C4orf54: variants seen among roughly 807,000 people sequenced by gnomAD.
C4orf54 encodes uncharacterized protein C4orf54.
In C4orf54, 67 loss-of-function variants were observed where a neutral mutation model predicts 80.1. That is an observed-to-expected ratio of 0.84 (90% CI 0.69 to 1.03). The LOEUF is 1.03. Among genes scored for constraint, C4orf54 ranks in the 50% least tolerant of loss-of-function variants. The probability of loss-of-function intolerance (pLI) is 0.00; values close to 1 mark genes in which losing one functional copy is unlikely to be tolerated. For missense variants in C4orf54, 2,434 were observed against 2,253.5 expected (o/e 1.08, Z -1.62); for synonymous variants, 1,000 against 917.0 (o/e 1.09, Z -1.64).
intron 2 of C4orf54, among the ~76,000 whole-genome samples, chr4:99,647,449 CTACCCA>C (rs1427880261): frequency 9.2e-5 from 14 of 151,824 alleles, no homozygotes; most frequent in Admixed American, 1.3e-4. Context: ...TCTGAGTCTC[CTACCCA>C]TGCATATTGA....
Position 99,649,613 on chromosome 4 carries a change from T to C in C4orf54, c.5036A>G (p.Tyr1679Cys). ...CAGCACGGTAGGCAGAAACCCAGGG[T>C]AAATCATGTAGGTGGGTCCATAAGC... is the stretch of plus-strand genomic sequence containing the variant. ...PGAYGPTYMI[Y>C]PGFLPTVLPT... Residue 1679 changes from tyrosine (Y) to cysteine (C), a missense_variant, in exon 2 of 3, where the codon TAC becomes TGC. Transcript: ENST00000511828. 6.5e-7 allele frequency: 1 copy of C among 1,535,818 alleles called. No individual in the cohort carries two copies. Among genetic ancestry groups the C allele is most frequent in the Non-Finnish European group, 8.7e-7 (1 of 1,146,832 alleles).
At position 99,651,993 on chromosome 4, in the gene C4orf54, C is replaced by G; in HGVS notation, c.2656G>C (p.Gly886Arg). ...YTVVSMSDAG[G>R]EGSVAGSKSP... Reference sequence around the variant, plus strand: ...TTGGAGCCCGCCACGGACCCCTCCCCGCCCGCGTCGGACATGCTGACCACT... The same window carrying G: ...TTGGAGCCCGCCACGGACCCCTCCCGGCCCGCGTCGGACATGCTGACCACT... The change falls in exon 2 of 3, where the codon GGG becomes CGG. Residue 886 changes from glycine to arginine, a missense_variant. Gly to Arg is a moderately radical substitution (Grantham distance 125). Transcript: ENST00000511828. The G allele has an allele frequency of 2.0e-6, 3 of 1,536,136 alleles. No homozygotes were observed. The highest frequency in any genetic ancestry group is 2.6e-6 in the Non-Finnish European group (3 of 1,146,914).
chr4:99,652,562 C>T lies in C4orf54; in HGVS notation c.2087G>A (p.Ser696Asn), dbSNP rs1726865317. Reference sequence around the variant, plus strand: ...CTGGTCGGCAGTGGCCCGGGCCCCACTGCCCTTCCTCAGACCTGCAGCCAC... The same window carrying T: ...CTGGTCGGCAGTGGCCCGGGCCCCATTGCCCTTCCTCAGACCTGCAGCCAC... Reference protein sequence around the residue: ...ASVAAGLRKGSGARATADQLY... With the variant: ...ASVAAGLRKGNGARATADQLY... Residue 696 changes from serine to asparagine, a missense_variant, in exon 2 of 3, where the codon AGT (serine) becomes AAT (asparagine). Transcript: ENST00000511828. The T allele has an allele frequency of 2.6e-6, 4 of 1,535,962 alleles. No individual in the cohort carries two copies. In the South Asian group the frequency reaches 3.6e-5, roughly 14 times the overall value.
chr4:99,656,429 C>T (rs1256175220), intron 1 of C4orf54, among the ~76,000 whole-genome samples: 1 of 151,858 alleles, frequency 6.6e-6, no homozygotes, highest in Non-Finnish European at 1.5e-5. Flanking sequence ...ACAGGAGCAC[C>T]CCACCACGCC....
chr4:99,644,431 A>G (rs1022918007), intron 2 of C4orf54, among the ~76,000 whole-genome samples: 12 of 152,220 alleles, frequency 7.9e-5, no homozygotes, highest in Admixed American at 1.3e-4. Flanking sequence ...GCAAAAACAA[A>G]CAAATACATT....
Position 99,640,920 on chromosome 4 carries a change from G to T in C4orf54, c.*313C>A, listed in dbSNP as rs1217719803. ...GTCTAGTCACAAGTACAGGGGGGAA[G>T]GAGGTGAATAGAAAGCTTATATCCT... On this transcript the variant is annotated 3_prime_UTR_variant, in exon 3 of 3. Transcript: ENST00000511828. 6.6e-6 allele frequency: 1 copy of T among 152,118 alleles called. No homozygotes were observed. Among genetic ancestry groups the T allele is most frequent in the Non-Finnish European group, 1.5e-5 (1 of 68,000 alleles). The allele number at this position is 152,118 out of a possible 1,614,324, so 9.4% of individuals were successfully genotyped here.
Position 99,651,495 on chromosome 4 carries a change from T to C in C4orf54, c.3154A>G (p.Lys1052Glu), listed in dbSNP as rs1301785598. 6.5e-7 allele frequency: 1 copy of C among 1,536,204 alleles called. No homozygotes were observed. Among genetic ancestry groups the C allele is most frequent in the African/African-American group, 1.4e-5 (1 of 73,140 alleles). ...DFNIAKLLTP[K>E]LAGGSASNLF... The stretch of plus-strand genomic sequence containing the variant: ...TTAGAGGCGCTGCCACCGGCCAGCT[T>C]GGGCGTGAGCAACTTGGCAATGTTG... Residue 1052 changes from lysine to glutamate, a missense_variant, in exon 2 of 3, where the codon AAG becomes GAG. By Grantham distance (56) the Lys-to-Glu change is moderately conservative. Transcript: ENST00000511828.
Position 99,652,813 on chromosome 4 carries a change from G to C in C4orf54, c.1836C>G (p.Ala612=), listed in dbSNP as rs531642001. Residue 612 remains alanine, a synonymous_variant, in exon 2 of 3, where the codon GCC becomes GCG. Coordinates refer to ENST00000511828, the MANE Select transcript of C4orf54 (RefSeq NM_001354435.2). ...TGTCCGCATCGTCCAGTTCGCTCAC[G>C]GCACTGGAGGCTCCGCTGGAGTAGT... ...LVDYSSGASS[A]VSELDDADKE... 2.6e-6 allele frequency: 4 copies of C among 1,535,990 alleles called. No homozygotes were observed. Among genetic ancestry groups the C allele is most frequent in the Middle Eastern group, 1.7e-4 (1 of 6,012 alleles).
At chr4:99,649,086 A>G in intron 2 of C4orf54, 145 bp downstream of exon 2, 2 of 828,758 alleles carry the variant, frequency 2.4e-6, no homozygotes, top group Non-Finnish European at 3.6e-6. Flanking sequence ...CCCCTTTGTA[A>G]ATTGGATGCA....
intron 1 of C4orf54, among the ~76,000 whole-genome samples, chr4:99,656,739 C>G (rs1397682660): frequency 6.6e-6 from 1 of 152,138 alleles, no homozygotes; most frequent in African/African-American, 2.4e-5. Context: ...TGTTCTAATT[C>G]CTTATAGATG....
chr4:99,652,246 A>G lies in C4orf54; in HGVS notation c.2403T>C (p.Asp801=). 1 of 1,535,298 alleles carries G rather than the reference A, an allele frequency of 6.5e-7. No individual in the cohort carries two copies. The highest frequency in any genetic ancestry group is 8.7e-7 in the Non-Finnish European group (1 of 1,146,722). ...AGGCGAACTTGGACTTCTGGGGGCCATCGGCGCGGGAGGTGGGCTTGCTGC... is the reference window on the plus strand; with the variant it reads ...AGGCGAACTTGGACTTCTGGGGGCCGTCGGCGCGGGAGGTGGGCTTGCTGC... The part of the protein sequence containing the change: ...SEGSKPTSRA[D]GPQKSKFASS... The change falls in exon 2 of 3, where the codon GAT becomes GAC. Residue 801 remains aspartate, a synonymous_variant. Coordinates refer to ENST00000511828, the MANE Select transcript of C4orf54 (RefSeq NM_001354435.2).
At position 99,653,924 on chromosome 4, in the gene C4orf54, C is replaced by T; in HGVS notation, c.725G>A (p.Ser242Asn). 2 of 1,536,236 alleles carry T rather than the reference C, an allele frequency of 1.3e-6. No individual in the cohort carries two copies. The highest frequency in any genetic ancestry group is 8.7e-7 in the Non-Finnish European group (1 of 1,146,886). Reference protein sequence around the residue: ...AQDEPSSKTPSPQNNPASSQL... With the variant: ...AQDEPSSKTPNPQNNPASSQL... ...GGAGGAGGCAGGATTGTTCTGGGGG[C>T]TTGGAGTCTTGCTGCTGGGTTCATC... Residue 242 changes from serine to asparagine, a missense_variant, in exon 2 of 3, where the codon AGC becomes AAC. Physicochemically the swap from Ser to Asn is conservative, Grantham distance 46. Transcript: ENST00000511828.
intron 2 of C4orf54, among the ~76,000 whole-genome samples, chr4:99,643,792 A>ACACACACACACACACCC (rs61130907): frequency 4.0e-5 from 4 of 98,908 alleles, no homozygotes; most frequent in South Asian, 7.0e-4. Flanking sequence ...ACACACACAC[A>ACACACACACACACACCC]CCCCCTCCGC....
chr4:99,639,656 T>A lies in C4orf54; in HGVS notation c.*1577A>T, dbSNP rs1726571901. ...AACCTTTCCCTATACCCAAGAGAAC[T>A]TTTTTTCAGAGTAAGATCCCTTAAA... On this transcript the variant is annotated 3_prime_UTR_variant, in exon 3 of 3. Coordinates refer to ENST00000511828, the MANE Select transcript of C4orf54 (RefSeq NM_001354435.2). 1 of 151,810 alleles carries A rather than the reference T, an allele frequency of 6.6e-6. No homozygotes were observed. The highest frequency in any genetic ancestry group is 1.5e-5 in the Non-Finnish European group (1 of 67,766). The allele number at this position is 151,810 out of a possible 1,614,324, so 9.4% of individuals were successfully genotyped here. A position where few individuals can be genotyped will look rare whatever the true frequency, so the allele number is the denominator to read the frequency against.
rs1427532026 is a variant in C4orf54, at chr4:99,652,154, C to T, written c.2495G>A (p.Gly832Glu). ...GTGGTGGGATGTATCCATGACTTCT[C>T]CCCTCTCCATTTTGAACTCGTGTTC... ...QREHEFKMER[G>E]EVMDTSHHLS... Residue 832 changes from glycine to glutamate, a missense_variant, in exon 2 of 3, where the codon GGA (glycine) becomes GAA (glutamate). Physicochemically the swap from Gly to Glu is moderately conservative, Grantham distance 98 (BLOSUM62 -2). Transcript: ENST00000511828. 1 of 1,536,074 alleles carries T rather than the reference C, an allele frequency of 6.5e-7. No homozygotes were observed. Among genetic ancestry groups the T allele is most frequent in the East Asian group, 2.4e-5 (1 of 40,878 alleles).
rs1473956949 is a variant in C4orf54, at chr4:99,639,505, G to A, written c.*1728C>T. On this transcript the variant is annotated 3_prime_UTR_variant, in exon 3 of 3. Coordinates refer to ENST00000511828, the MANE Select transcript of C4orf54 (RefSeq NM_001354435.2). ...TCTTTTTCTTGAATTTGGCACAAGG[G>A]CATCTTTTTTATACACAGAGACTAT... 1 of 151,970 alleles carries A rather than the reference G, an allele frequency of 6.6e-6. No individual in the cohort carries two copies. 9.4% of individuals were successfully genotyped at this position (151,970 alleles called of 1,614,324 possible). A position where few individuals can be genotyped will look rare whatever the true frequency, so the allele number is the denominator to read the frequency against.
At chr4:99,644,762 C>CA (rs1183002546) in intron 2 of C4orf54, among the ~76,000 whole-genome samples, 3 of 133,138 alleles carry the variant, frequency 2.3e-5, no homozygotes, top group Non-Finnish European at 4.8e-5. Context: ...AAAAAAACTA[C>CA]AAAAAAAGTG....
rs1578274770 is a variant in C4orf54 at position 99,651,886 on chromosome 4, C to T, written c.2763G>A (p.Val921=). 2 of 1,536,118 alleles carry T rather than the reference C, an allele frequency of 1.3e-6. No individual in the cohort carries two copies. Among genetic ancestry groups the T allele is most frequent in the East Asian group, 4.9e-5 (2 of 40,904 alleles). The change falls in exon 2 of 3, where the codon GTG becomes GTA. Residue 921 remains valine (V), a synonymous_variant. Coordinates refer to ENST00000511828, the MANE Select transcript of C4orf54 (RefSeq NM_001354435.2). ...CTGAGGCACTCTTTTTAATTTCACA[C>T]ACTTCTGTGTGTCCATCGGTGAAAT... ...GRNFTDGHTE[V]CEIKKSASET...
rs1271773244 is a variant in C4orf54 at position 99,652,259 on chromosome 4, G to A, written c.2390C>T (p.Thr797Ile). The A allele has an allele frequency of 6.5e-7, 1 of 1,535,786 alleles. No homozygotes were observed. The highest frequency in any genetic ancestry group is 8.7e-7 in the Non-Finnish European group (1 of 1,146,822). Residue 797 changes from threonine (T) to isoleucine (I), a missense_variant, in exon 2 of 3, where the codon ACC (threonine) becomes ATC (isoleucine). Coordinates refer to ENST00000511828, the MANE Select transcript of C4orf54 (RefSeq NM_001354435.2). Reference protein sequence around the residue: ...GSETSEGSKPTSRADGPQKSK... With the variant: ...GSETSEGSKPISRADGPQKSK... ...CTTCTGGGGGCCATCGGCGCGGGAG[G>A]TGGGCTTGCTGCCCTCGGAGGTCTC...
Sources: allele counts gnomAD v4.1 joint callset (sites outside exome capture counted in the v4.1 genomes callset), GRCh38; gene constraint gnomAD v4.1.1; transcripts MANE v1.5; gene names NCBI Gene and HGNC (gene_info 2026-07-23, HGNC 2026-07-21).